The following MKLN1 variants were observed in gnomAD, a reference collection of about 807,000 sequenced individuals.
MKLN1 encodes the protein muskelin 1.
In MKLN1, 18 loss-of-function variants were observed where a neutral mutation model predicts 99.0. The ratio of observed to expected loss-of-function variants is 0.18; its 90% confidence interval spans 0.13 to 0.27. The LOEUF (loss-of-function observed/expected upper bound fraction) is 0.27. Among genes scored for constraint, MKLN1 ranks in the 10% least tolerant of loss-of-function variants. MKLN1 has a pLI of 1.00. For missense variants in MKLN1, 621 were observed against 875.9 expected (o/e 0.71, Z 3.67); for synonymous variants, 288 against 293.2 (o/e 0.98, Z 0.18).
At chr7:131,432,750 A>T (rs1795561713) in intron 9 of MKLN1, among the ~76,000 whole-genome samples, 3 of 152,138 alleles carry the variant, frequency 2.0e-5, no homozygotes, top group African/African-American at 7.2e-5. Context: ...CTGGCCCTCA[A>T]GTGGCATTTT....
rs1267983008 is a variant in MKLN1, at chr7:131,283,156, ACTGAGAAT to A, written c.-179+80185_-179+80192del. Among the ~76,000 whole-genome samples, 3 of 152,318 alleles carry A rather than the reference ACTGAGAAT, an allele frequency of 2.0e-5. No individual in the cohort carries two copies. In the East Asian group the frequency reaches 5.8e-4, roughly 29 times the overall value. On this transcript the variant is annotated intron_variant, in intron 3 of 7. Coordinates refer to the MKLN1 transcript ENST00000416992. ...ACAGATCAAACTTTTATTTTCTGTA[ACTGAGAAT>A]CTAAGAATCTCAAAAGATCCTTCCG...
intron 12 of MKLN1, among the ~76,000 whole-genome samples, chr7:131,449,278 CTAGGT>C (rs1162169728): frequency 6.6e-6 from 1 of 152,158 alleles, no homozygotes; most frequent in African/African-American, 2.4e-5. Flanking sequence ...TGGTATGAAA[CTAGGT>C]TAGAGCTACG....
intron 14 of MKLN1, among the ~76,000 whole-genome samples, chr7:131,465,775 A>G (rs906094771): frequency 6.6e-6 from 1 of 152,086 alleles, no homozygotes; most frequent in Non-Finnish European, 1.5e-5. Context: ...TCCTGACCTC[A>G]TGATCCGCCT....
At chr7:131,246,475 A>C (rs1481953315) in intron 3 of MKLN1, among the ~76,000 whole-genome samples, 1 of 152,194 alleles carries the variant, frequency 6.6e-6, no homozygotes, top group African/African-American at 2.4e-5. Flanking sequence ...TCTGTTTAAC[A>C]ATAAAGTATT....
At chr7:131,307,320 CA>C (rs1202030751) in intron 3 of MKLN1, among the ~76,000 whole-genome samples, 1 of 152,144 alleles carries the variant, frequency 6.6e-6, no homozygotes, top group Non-Finnish European at 1.5e-5. Flanking sequence ...TAGGGCAGTG[CA>C]GAGGGGAAAT....
chr7:131,259,555 A>T (rs1005061637), intron 3 of MKLN1, among the ~76,000 whole-genome samples: 4 of 152,166 alleles, frequency 2.6e-5, no homozygotes, highest in African/African-American at 9.7e-5. Flanking sequence ...ACATAAGCAC[A>T]TTTTTGTTAG....
Position 131,131,051 on chromosome 7 carries a change from CA to C in MKLN1, c.-418-11747del, listed in dbSNP as rs35397071. Reference sequence around the variant, plus strand: ...TGGGCAACAGAGGGAGACCCTGTCTCAAAAAAAAAAAAAAAAAAAAAAGGTT... The same window carrying C: ...TGGGCAACAGAGGGAGACCCTGTCTCAAAAAAAAAAAAAAAAAAAAAGGTT... On this transcript the variant is annotated intron_variant, in intron 1 of 7. Coordinates refer to the MKLN1 transcript ENST00000416992. Among the ~76,000 whole-genome samples, 606 of 65,304 alleles carry C rather than the reference CA, an allele frequency of 9.3e-3. 4 individuals carry two copies. Among genetic ancestry groups the C allele is most frequent in the African/African-American group, 0.037 (552 of 14,796 alleles). 42.8% of individuals were successfully genotyped at this position (65,304 alleles called of 152,430 possible). A position where few individuals can be genotyped will look rare whatever the true frequency, so the allele number is the denominator to read the frequency against.
chr7:131,301,693 T>C (rs907475369), intron 3 of MKLN1, among the ~76,000 whole-genome samples: 4 of 152,166 alleles, frequency 2.6e-5, no homozygotes, highest in African/African-American at 4.8e-5. Flanking sequence ...CCCTCTGACC[T>C]GCTCTCCAAA....
At chr7:131,122,163 T>A (rs1185941589) in intron 1 of MKLN1, among the ~76,000 whole-genome samples, 5 of 152,204 alleles carry the variant, frequency 3.3e-5, no homozygotes, top group African/African-American at 1.2e-4. Context: ...ATCAGTAAAC[T>A]TTTGTTAGAT....
At chr7:131,453,506 C>T (rs138283147) in intron 12 of MKLN1, among the ~76,000 whole-genome samples, 325 of 152,144 alleles carry the variant, frequency 2.1e-3, no homozygotes, top group East Asian at 7.3e-3. Flanking sequence ...GCCTGGGCAA[C>T]GGCAAGACTC....
chr7:131,360,495 T>C (rs888153137), intron 1 of MKLN1, among the ~76,000 whole-genome samples: 7 of 152,216 alleles, frequency 4.6e-5, no homozygotes, highest in African/African-American at 1.7e-4. Context: ...GAATTTGTAA[T>C]ATTTATGTGC....
intron 6 of MKLN1, among the ~76,000 whole-genome samples, chr7:131,399,640 C>T (rs1163287400): frequency 6.6e-6 from 1 of 152,028 alleles, no homozygotes. Context: ...TTGAAATGTA[C>T]TTGAACTCAC....
intron 2 of MKLN1, among the ~76,000 whole-genome samples, chr7:131,385,337 G>C (rs1793979040): frequency 6.6e-6 from 1 of 151,432 alleles, no homozygotes; most frequent in South Asian, 2.1e-4. Context: ...CTGTTTGTTT[G>C]TATACCTTTT....
In MKLN1 at chr7:131,354,332, G is replaced by T. The variant is rs113782777; in HGVS notation, c.99-21092G>T. Among the ~76,000 whole-genome samples, 546 of 152,148 alleles carry T rather than the reference G, an allele frequency of 3.6e-3. 2 individuals carry two copies. Among genetic ancestry groups the T allele is most frequent in the African/African-American group, 0.013 (519 of 41,512 alleles). ...CATTTTGTAGTTTTCAGGATACAGA[G>T]CATCCTGTACATGTTTTGTTAAAAA... is the stretch of plus-strand genomic sequence containing the variant. On this transcript the variant is annotated intron_variant, in intron 1 of 17. Coordinates refer to ENST00000352689, the MANE Select transcript of MKLN1 (RefSeq NM_013255.5).
intron 12 of MKLN1, among the ~76,000 whole-genome samples, chr7:131,451,802 G>A (rs1355402735): frequency 1.3e-5 from 2 of 152,182 alleles, no homozygotes; most frequent in Non-Finnish European, 2.9e-5. Context: ...TTCCCCATAT[G>A]TAAGCTCTGT....
chr7:131,425,769 A>T (rs1214497083), intron 8 of MKLN1, among the ~76,000 whole-genome samples: 1 of 152,196 alleles, frequency 6.6e-6, no homozygotes, highest in Non-Finnish European at 1.5e-5. Context: ...GGGCTTCCAT[A>T]AACCAATCTA....
intron 12 of MKLN1, among the ~76,000 whole-genome samples, chr7:131,459,478 G>C (rs887185067): frequency 6.6e-6 from 1 of 152,144 alleles, no homozygotes; most frequent in Non-Finnish European, 1.5e-5. Flanking sequence ...CAGGCAGGAG[G>C]GCAGAAGAAG....
intron 16 of MKLN1, among the ~76,000 whole-genome samples, chr7:131,473,328 C>T (rs2116653202): frequency 6.6e-6 from 1 of 151,992 alleles, no homozygotes; most frequent in African/African-American, 2.4e-5. Context: ...AAATGACTTT[C>T]TCATTTAAGT....
chr7:131,175,189 T>C (rs113578410), intron 2 of MKLN1, among the ~76,000 whole-genome samples: 10 of 38,898 alleles, frequency 2.6e-4, no homozygotes, highest in African/African-American at 9.1e-4. Flanking sequence ...GATAGACAGA[T>C]AGATAGATAG....
Sources: allele counts gnomAD v4.1 joint callset (sites outside exome capture counted in the v4.1 genomes callset), GRCh38; gene constraint gnomAD v4.1.1; transcripts MANE v1.5; gene names NCBI Gene and HGNC (gene_info 2026-07-23, HGNC 2026-07-21).